Variants in PSMA4 observed in about 807,000 individuals in gnomAD.
The protein encoded by PSMA4 is proteasome 20S subunit alpha 4, also known as proteasome subunit alpha type-4.
In PSMA4, 8 loss-of-function variants were observed where a neutral mutation model predicts 37.2. The ratio of observed to expected loss-of-function variants is 0.22; its 90% CI spans 0.13 to 0.39. The LOEUF is 0.39. PSMA4 is among the 10% of genes least tolerant of loss of function. The probability of loss-of-function intolerance (pLI) is 1.00; values close to 1 mark genes in which losing one functional copy is unlikely to be tolerated. For synonymous variants in PSMA4, 93 were observed against 98.8 expected, an observed-to-expected ratio of 0.94 and a Z score of 0.35; for missense variants, 169 against 305.1, an observed-to-expected ratio of 0.55 and a Z score of 3.32.
chr15:78,544,368 T>A, intron 5 of PSMA4, 101 bp downstream of exon 5: 2 of 723,674 alleles, frequency 2.8e-6, no homozygotes, highest in Non-Finnish European at 4.4e-6. Context: ...CAGGCTGGAG[T>A]GCAGTGGCAC....
chr15:78,544,093 G>A, intron 4 of PSMA4, 97 bp from the exon 5 acceptor site: 1 of 858,442 alleles, frequency 1.2e-6, no homozygotes, highest in South Asian at 1.7e-5. Flanking sequence ...AGCAAACATA[G>A]TGAATTTCTA....
In PSMA4 at chr15:78,549,162, T is replaced by A. The variant is rs1026469455; in HGVS notation, c.*218T>A. The stretch of plus-strand genomic sequence containing the variant: ...GTCTTAATCTTCCACACACATCCCC[T>A]TTTTTTGGAATAAAATTTGGAAAAT... On this transcript the variant is annotated 3_prime_UTR_variant, in exon 9 of 9. Coordinates refer to ENST00000044462, the MANE Select transcript of PSMA4 (RefSeq NM_002789.6). 1 of 577,174 alleles carries A rather than the reference T, an allele frequency of 1.7e-6. No individual in the cohort carries two copies. The highest frequency in any genetic ancestry group is 2.4e-6 in the Non-Finnish European group (1 of 412,978). 35.8% of individuals were successfully genotyped at this position (577,174 alleles called of 1,614,324 possible).
At chr15:78,546,947 G>A (rs1043039871) in intron 8 of PSMA4, among the ~76,000 whole-genome samples, 4 of 152,060 alleles carry the variant, frequency 2.6e-5, no homozygotes, top group African/African-American at 4.8e-5. Context: ...TGTATTTTTA[G>A]TAGAGACGGG....
intron 5 of PSMA4, 59 bp downstream of exon 5, chr15:78,544,326 T>A: frequency 7.2e-7 from 1 of 1,379,578 alleles, no homozygotes; most frequent in Non-Finnish European, 1.0e-6. Flanking sequence ...TTTCTTTTTT[T>A]TTTTTTTGAG....
chr15:78,545,622 T>A lies in PSMA4; in HGVS notation c.377-12T>A. 1.2e-6 allele frequency: 2 copies of A among 1,613,544 alleles called. No homozygotes were observed. The highest frequency in any genetic ancestry group is 1.7e-6 in the Non-Finnish European group (2 of 1,179,508). ...GATTATTGATATGTTTGGCTTTTTT[T>A]CTTTGTTAAAGGAAAACGTCCCTTT... is the stretch of plus-strand genomic sequence containing the variant. On this transcript the variant is annotated splice_polypyrimidine_tract_variant and intron_variant, in intron 6 of 8. Coordinates refer to ENST00000044462, the MANE Select transcript of PSMA4 (RefSeq NM_002789.6).
rs1159942054 is a variant in PSMA4 at position 78,549,681 on chromosome 15, TA to T, written c.*741del. ...ATGTCCCATCCCAGATCTACTGAAT[TA>T]AAATCTCTGAGGGTGAAACCCAGTA... On this transcript the variant is annotated 3_prime_UTR_variant, in exon 9 of 9. Transcript: ENST00000044462. The T allele has an allele frequency of 6.6e-6, 1 of 152,246 alleles. No individual in the cohort carries two copies. The highest frequency in any genetic ancestry group is 2.4e-5 in the African/African-American group (1 of 41,470). The allele number at this position is 152,246 out of a possible 1,614,324, so 9.4% of individuals were successfully genotyped here. A position where few individuals can be genotyped will look rare whatever the true frequency, so the allele number is the denominator to read the frequency against.
intron 4 of PSMA4, chr15:78,543,966 T>C: frequency 2.3e-6 from 1 of 442,770 alleles, no homozygotes; most frequent in Non-Finnish European, 4.0e-6. Flanking sequence ...GATAAATACA[T>C]CTATTAAATA....
intron 8 of PSMA4, among the ~76,000 whole-genome samples, chr15:78,547,947 G>A (rs1008445055): frequency 6.6e-6 from 1 of 150,684 alleles, no homozygotes; most frequent in Non-Finnish European, 1.5e-5. Flanking sequence ...TGCCATTTAC[G>A]GCCGGGCATA....
chr15:78,541,020 A>G (rs77424455), intron 1 of PSMA4: 7,138 of 152,312 alleles, frequency 0.047, 351 homozygotes, highest in East Asian at 0.12. Context: ...TCCTATTGCA[A>G]TTACCTCAAC....
chr15:78,547,345 T>G (rs1336879234), intron 8 of PSMA4, among the ~76,000 whole-genome samples: 2 of 152,230 alleles, frequency 1.3e-5, no homozygotes, highest in African/African-American at 4.8e-5. Context: ...ATGATATCTT[T>G]GCTTGTGTGT....
chr15:78,544,742 T>TCC (rs1265404394), intron 5 of PSMA4, 127 bp from the exon 6 acceptor site: 1 of 564,074 alleles, frequency 1.8e-6, no homozygotes, highest in Non-Finnish European at 3.2e-6. Context: ...ACTTGTTCCC[T>TCC]CCCCTTCAAA....
intron 5 of PSMA4, 52 bp downstream of exon 5, chr15:78,544,319 C>CTTT (rs751005514): frequency 1.1e-4 from 117 of 1,077,070 alleles, no homozygotes; most frequent in Middle Eastern, 5.5e-4. Context: ...TTTGATGTTT[C>CTTT]TTTTTTTTTT....
rs765743917 is a variant in PSMA4, at chr15:78,548,968, TG to T, written c.*28del. On this transcript the variant is annotated 3_prime_UTR_variant, in exon 9 of 9. Coordinates refer to ENST00000044462, the MANE Select transcript of PSMA4 (RefSeq NM_002789.6). Reference sequence around the variant, plus strand: ...AGAATCAGAGATTTTATTACTCATTTGGGGCACCATTTCAGTGTAAAAGCAG... The same window carrying T: ...AGAATCAGAGATTTTATTACTCATTTGGGCACCATTTCAGTGTAAAAGCAG... 3.8e-6 allele frequency: 6 copies of T among 1,592,992 alleles called. No homozygotes were observed. The highest frequency in any genetic ancestry group is 3.6e-5 in the Admixed American group (2 of 56,038).
chr15:78,545,719 A>C lies in PSMA4; in HGVS notation c.462A>C (p.Gly154=), dbSNP rs1220893683. ...GFQLYQSDPS[G]NYGGWKATCI... Reference sequence around the variant, plus strand: ...AGCTCTATCAGAGTGACCCTAGTGGAAATTACGGGGGATGGAAGGCCACAT... The same window carrying C: ...AGCTCTATCAGAGTGACCCTAGTGGCAATTACGGGGGATGGAAGGCCACAT... The change falls in exon 7 of 9, where the codon GGA becomes GGC. Residue 154 remains glycine, a synonymous_variant. Coordinates refer to ENST00000044462, the MANE Select transcript of PSMA4 (RefSeq NM_002789.6). The C allele has an allele frequency of 1.2e-6, 2 of 1,614,078 alleles. No individual in the cohort carries two copies. Among genetic ancestry groups the C allele is most frequent in the African/African-American group, 2.7e-5 (2 of 75,032 alleles).
At chr15:78,542,276 T>C (rs2052468299) in intron 3 of PSMA4, 57 bp downstream of exon 3, 2 of 1,530,048 alleles carry the variant, frequency 1.3e-6, no homozygotes, top group Non-Finnish European at 8.8e-7. Context: ...GTTAGACTTT[T>C]AGAAAAAAAA....
rs1596047200 is a variant in PSMA4 at position 78,548,889 on chromosome 15, A to C, written c.731A>C (p.Glu244Ala). Reference sequence around the variant, plus strand: ...TTGATCAAAAAACATGAGGAAGAAGAAGCCAAAGCTGAGCGTGAGAAGAAA... The same window carrying C: ...TTGATCAAAAAACATGAGGAAGAAGCAGCCAAAGCTGAGCGTGAGAAGAAA... ...EQLIKKHEEE[E>A]AKAEREKKEK... The change falls in exon 9 of 9, where the codon GAA becomes GCA. Residue 244 changes from glutamate to alanine, a missense_variant. Around this residue, in one of 2 missense-constraint regions of PSMA4, gnomAD observed 90 missense variants for 92.7 expected, o/e 0.97. Transcript: ENST00000044462. 2.5e-6 allele frequency: 4 copies of C among 1,612,880 alleles called. No individual in the cohort carries two copies. Among genetic ancestry groups the C allele is most frequent in the Non-Finnish European group, 3.4e-6 (4 of 1,179,530 alleles).
intron 7 of PSMA4, among the ~76,000 whole-genome samples, chr15:78,546,186 G>A (rs1206649678): frequency 6.6e-6 from 1 of 152,124 alleles, no homozygotes; most frequent in Non-Finnish European, 1.5e-5. Context: ...GCTCATGCCT[G>A]TAATCCCAAC....
At position 78,545,762 on chromosome 15, in the gene PSMA4, G is replaced by C. The variant is rs147172987; in HGVS notation, c.505G>C (p.Ala169Pro). 6.2e-7 allele frequency: 1 copy of C among 1,613,586 alleles called. No individual in the cohort carries two copies. Among genetic ancestry groups the C allele is most frequent in the East Asian group, 2.2e-5 (1 of 44,864 alleles). ...GGCCACATGCATTGGAAATAATAGC[G>C]CTGTGAGTATTTTTGTTGTGCTATA... ...WKATCIGNNS[A>P]AAVSMLKQDY... The change falls in exon 7 of 9, where the codon GCT (alanine) becomes CCT (proline). Residue 169 changes from alanine (A) to proline (P), a missense_variant and splice_region_variant. Physicochemically the swap from Ala to Pro is conservative, Grantham distance 27. Around this residue, in one of 2 missense-constraint regions of PSMA4, gnomAD observed 79 missense variants for 212.4 expected, o/e 0.37. Coordinates refer to ENST00000044462, the MANE Select transcript of PSMA4 (RefSeq NM_002789.6).
Position 78,548,873 on chromosome 15 carries a change from A to C in PSMA4, c.715A>C (p.Lys239Gln), listed in dbSNP as rs753323656. ...AAAAGAAGTGGAGCAGTTGATCAAAAAACATGAGGAAGAAGAAGCCAAAGC... is the reference window on the plus strand; with the variant it reads ...AAAAGAAGTGGAGCAGTTGATCAAACAACATGAGGAAGAAGAAGCCAAAGC... ...KQKEVEQLIK[K>Q]HEEEEAKAER... Residue 239 changes from lysine to glutamine, a missense_variant, in exon 9 of 9, where the codon AAA becomes CAA. By Grantham distance (53) the Lys-to-Gln change is moderately conservative. Coordinates refer to ENST00000044462, the MANE Select transcript of PSMA4 (RefSeq NM_002789.6). 3.5e-5 allele frequency: 56 copies of C among 1,613,546 alleles called. No homozygotes were observed. The highest frequency in any genetic ancestry group is 4.7e-5 in the Non-Finnish European group (55 of 1,179,838).
Sources: allele counts gnomAD v4.1 joint callset (sites outside exome capture counted in the v4.1 genomes callset), GRCh38; gene constraint gnomAD v4.1.1; regional missense constraint gnomAD v4.1.1; transcripts MANE v1.5; gene names NCBI Gene and HGNC (gene_info 2026-07-23, HGNC 2026-07-21).